Variants in SLC39A11 observed in about 807,000 individuals in gnomAD.
The protein encoded by SLC39A11 is zinc transporter ZIP11.
SLC39A11 carries 33 observed loss-of-function variants against 36.1 expected under a neutral mutation model. The observed-to-expected ratio is 0.91, with a 90% CI of 0.69 to 1.22. The LOEUF (loss-of-function observed/expected upper bound fraction) is 1.22, where lower values mean the gene tolerates loss of function less well. Among genes scored for constraint, SLC39A11 ranks in the 50% most tolerant of loss-of-function variants. The probability of loss-of-function intolerance (pLI) is 0.00; values close to 1 mark genes in which losing one functional copy is unlikely to be tolerated. For synonymous variants in SLC39A11, 166 were observed against 170.3 expected, an observed-to-expected ratio of 0.97 and a Z score of 0.20; for missense variants, 432 against 430.3, an observed-to-expected ratio of 1.00 and a Z score of -0.03.
chr17:72,932,932 G>A (rs780468706), intron 5 of SLC39A11, among the ~76,000 whole-genome samples: 9 of 152,090 alleles, frequency 5.9e-5, no homozygotes, highest in Non-Finnish European at 7.4e-5. Flanking sequence ...GGACAGTGGT[G>A]GCTTTTCAAA....
chr17:72,961,030 G>A (rs1395983380), intron 4 of SLC39A11, among the ~76,000 whole-genome samples: 1 of 152,178 alleles, frequency 6.6e-6, no homozygotes, highest in Admixed American at 6.5e-5. Flanking sequence ...ACGAGGGTGA[G>A]AGAGAGTGTG....
chr17:72,920,088 C>T (rs950580119), intron 5 of SLC39A11, among the ~76,000 whole-genome samples: 5 of 152,068 alleles, frequency 3.3e-5, no homozygotes, highest in African/African-American at 1.2e-4. Context: ...TTTGTGCTTT[C>T]GCTAAACATT....
intron 4 of SLC39A11, among the ~76,000 whole-genome samples, chr17:73,000,110 G>C (rs1489559421): frequency 6.6e-6 from 1 of 152,104 alleles, no homozygotes; most frequent in African/African-American, 2.4e-5. Context: ...CAAGGACAAA[G>C]ACCTCTTCCC....
At position 72,760,477 on chromosome 17, in the gene SLC39A11, G is replaced by A. The variant is rs147173945; in HGVS notation, c.602-23758C>T. Among the ~76,000 whole-genome samples the A allele has an allele frequency of 4.6e-5, 7 of 152,284 alleles. No homozygotes were observed. The East Asian group carries it at 9.6e-4, about 21-fold the overall frequency. On this transcript the variant is annotated intron_variant, in intron 6 of 9. Coordinates refer to ENST00000255559, the MANE Select transcript of SLC39A11 (RefSeq NM_139177.4). ...CTGGGCTCTGAAACAGAGAGGTGGC[G>A]TTGGTTTCCGTGTGGGACACTGAAC...
chr17:72,693,437 A>G (rs2072127807), intron 7 of SLC39A11, among the ~76,000 whole-genome samples: 1 of 152,270 alleles, frequency 6.6e-6, no homozygotes, highest in Non-Finnish European at 1.5e-5. Flanking sequence ...AGCTGCCTTG[A>G]TGCCGGGTAG....
At chr17:72,647,705 C>G in intron 9 of SLC39A11, 43 bp from the exon 10 acceptor site, 1 of 1,544,890 alleles carries the variant, frequency 6.5e-7, no homozygotes, top group Non-Finnish European at 8.9e-7. Flanking sequence ...CTTAATGATC[C>G]CTGAGGCCAC....
chr17:72,959,746 G>A (rs1045527873), intron 4 of SLC39A11, among the ~76,000 whole-genome samples: 3 of 151,978 alleles, frequency 2.0e-5, no homozygotes, highest in African/African-American at 7.3e-5. Context: ...TACTAATATT[G>A]AGAACCTAAC....
At chr17:72,943,583 C>A (rs2085251591) in intron 5 of SLC39A11, among the ~76,000 whole-genome samples, 1 of 152,156 alleles carries the variant, frequency 6.6e-6, no homozygotes, top group South Asian at 2.1e-4. Context: ...CACTTTTTCC[C>A]CCAACACTTC....
chr17:72,660,739 C>G (rs890981733), intron 7 of SLC39A11, among the ~76,000 whole-genome samples: 27 of 152,170 alleles, frequency 1.8e-4, no homozygotes, highest in Non-Finnish European at 3.7e-4. Context: ...ATTTCTCAAC[C>G]TCACCACTAC....
intron 6 of SLC39A11, among the ~76,000 whole-genome samples, chr17:72,806,438 T>C (rs1159853168): frequency 5.9e-5 from 9 of 152,194 alleles, no homozygotes; most frequent in Admixed American, 5.9e-4. Flanking sequence ...TCCCCCTTTC[T>C]GGAAGCTCTA....
chr17:73,078,240 GA>G (rs373935167), intron 3 of SLC39A11, among the ~76,000 whole-genome samples: 4,505 of 114,716 alleles, frequency 0.039, 140 homozygotes, highest in East Asian at 0.22. Context: ...TCCGTCTCAG[GA>G]AAAAAAAAAA....
intron 7 of SLC39A11, among the ~76,000 whole-genome samples, chr17:72,709,215 G>C (rs1412477913): frequency 6.6e-6 from 1 of 152,056 alleles, no homozygotes; most frequent in Non-Finnish European, 1.5e-5. Flanking sequence ...TGGGATTACA[G>C]GCGTGAGCCA....
intron 3 of SLC39A11, among the ~76,000 whole-genome samples, chr17:73,063,973 TCCA>T (rs2059922682): frequency 6.6e-6 from 1 of 152,186 alleles, no homozygotes; most frequent in South Asian, 2.1e-4. Context: ...ATCTAATTTT[TCCA>T]CACTCCTGGA....
At chr17:72,925,613 C>T (rs1345654647) in intron 5 of SLC39A11, among the ~76,000 whole-genome samples, 4 of 152,198 alleles carry the variant, frequency 2.6e-5, no homozygotes, top group Non-Finnish European at 5.9e-5. Flanking sequence ...ATGTTTATGT[C>T]CCCACCTGGA....
rs2072924872 is a variant in SLC39A11 at position 72,707,138 on chromosome 17, G to A, written c.671+29512C>T. Among the ~76,000 whole-genome samples the A allele has an allele frequency of 3.3e-5, 5 of 152,332 alleles. No homozygotes were observed. In the South Asian group the frequency reaches 1.0e-3, roughly 32 times the overall value. ...TGCTAGGCCGGGCATCATGGCTCAT[G>A]TGTGTAATCCCAGCATTTTGGGAGG... On this transcript the variant is annotated intron_variant, in intron 7 of 9. Coordinates refer to ENST00000255559, the MANE Select transcript of SLC39A11 (RefSeq NM_139177.4).
At chr17:73,084,505 A>C (rs936641316) in intron 3 of SLC39A11, among the ~76,000 whole-genome samples, 2 of 151,702 alleles carry the variant, frequency 1.3e-5, no homozygotes, top group African/African-American at 4.8e-5. Flanking sequence ...GGGAGGAAAA[A>C]GTATATTTAG....
At chr17:72,831,492 TGAAGCCAGTGATATCACAACTTGGA>T (rs2078284553) in intron 6 of SLC39A11, among the ~76,000 whole-genome samples, 1 of 152,226 alleles carries the variant, frequency 6.6e-6, no homozygotes, top group Non-Finnish European at 1.5e-5. Context: ...TATCTCCTGG[TGAAGCCAGTGATATCACAACTTGGA>T]GAAGTCATTC....
At chr17:72,793,022 C>T (rs1436904775) in intron 6 of SLC39A11, among the ~76,000 whole-genome samples, 3 of 152,112 alleles carry the variant, frequency 2.0e-5, no homozygotes, top group Non-Finnish European at 4.4e-5. Flanking sequence ...CAGAGCATTT[C>T]GGGCAAATTA....
chr17:73,022,395 G>C (rs2058381241), intron 4 of SLC39A11, among the ~76,000 whole-genome samples: 1 of 152,060 alleles, frequency 6.6e-6, no homozygotes, highest in Non-Finnish European at 1.5e-5. Context: ...AGGAGTTCGA[G>C]ACCAGCCTGG....
Sources: gnomAD v4.1 joint callset for allele counts (sites outside exome capture counted in the v4.1 genomes callset) on GRCh38, gnomAD v4.1.1 for gene constraint, MANE v1.5 for transcripts, NCBI Gene and HGNC (gene_info 2026-07-23, HGNC 2026-07-21) for gene names.